Variants in TAF7L observed in about 807,000 individuals in gnomAD.
The protein encoded by TAF7L is transcription initiation factor TFIID subunit 7-like.
A neutral mutation model predicts 30.2 loss-of-function variants in TAF7L; 6 were observed. The ratio of observed to expected loss-of-function variants is 0.20; its 90% CI spans 0.11 to 0.39. The LOEUF (loss-of-function observed/expected upper bound fraction) is 0.39. Among genes scored for constraint, TAF7L ranks in the 10% least tolerant of loss-of-function variants. The pLI, the probability that TAF7L is intolerant of heterozygous loss-of-function variation, is 1.00. For synonymous variants in TAF7L, 93 were observed against 94.5 expected, an observed-to-expected ratio of 0.98 and a Z score of 0.09; for missense variants, 284 against 277.1, an observed-to-expected ratio of 1.03 and a Z score of -0.18.
chrX:101,280,686 T>A (rs1427798960), intron 6 of TAF7L, among the ~76,000 whole-genome samples: 1 of 111,901 alleles, frequency 8.9e-6, no homozygotes, highest in Non-Finnish European at 1.9e-5. Context: ...ACAGCTTTAT[T>A]TATAATAGTC....
chrX:101,292,980 T>A (rs746095059), upstream of TAF7L: 4 of 1,208,550 alleles, frequency 3.3e-6, no homozygotes, highest in African/African-American at 5.3e-5. Context: ...TTACTTCCGA[T>A]GTTGAAACTG....
At chrX:101,279,168 T>C (rs924951018) in intron 6 of TAF7L, 133 bp from the exon 7 acceptor site, 2 of 507,896 alleles carry the variant, frequency 3.9e-6, no homozygotes, top group South Asian at 4.5e-5. Flanking sequence ...TTACAGAGTA[T>C]AAAAGCCAAG....
intron 12 of TAF7L, 90 bp downstream of exon 12, chrX:101,275,132 G>T: frequency 2.9e-6 from 2 of 698,935 alleles, no homozygotes; most frequent in South Asian, 4.9e-5. Flanking sequence ...CTATTCCTAT[G>T]AGAGGAACAG....
intron 5 of TAF7L, 102 bp from the exon 6 acceptor site, chrX:101,281,877 C>T (rs1924420296): frequency 6.6e-6 from 4 of 609,438 alleles, no homozygotes; most frequent in Non-Finnish European, 7.4e-6. Flanking sequence ...AGGGTCATGA[C>T]ATCACTCCTT....
chrX:101,291,346 G>T (rs1037715864), upstream of TAF7L: 5 of 737,754 alleles, frequency 6.8e-6, no homozygotes, highest in Non-Finnish European at 8.0e-6. Context: ...CTGGGCTGCC[G>T]GCGCCTGGAC....
chrX:101,268,888 C>T lies in TAF7L; in HGVS notation c.*305G>A, dbSNP rs759853555. The stretch of plus-strand genomic sequence containing the variant: ...GCTGAGGCGGAAGGATCCCTTAAGC[C>T]CAGGAGTCTGAATTCAGCCTGGGCA... On this transcript the variant is annotated 3_prime_UTR_variant, in exon 13 of 13. Coordinates refer to ENST00000356784, the MANE Select transcript of TAF7L (RefSeq NM_001168474.2). 78 of 201,587 alleles carry T rather than the reference C, an allele frequency of 3.9e-4. No individual in the cohort carries two copies. The highest frequency in any genetic ancestry group is 6.0e-4 in the Non-Finnish European group (67 of 111,129). The allele number at this position is 201,587 out of a possible 1,213,427, so 16.6% of individuals were successfully genotyped here. A position where few individuals can be genotyped will look rare whatever the true frequency, so the allele number is the denominator to read the frequency against.
upstream of TAF7L, chrX:101,292,857 A>C: frequency 1.7e-6 from 2 of 1,211,141 alleles, no homozygotes; most frequent in Non-Finnish European, 2.2e-6. Flanking sequence ...CATCCGTTTG[A>C]GTGTCCTCGT....
chrX:101,286,106 A>G (rs1924580873), intron 3 of TAF7L, among the ~76,000 whole-genome samples: 1 of 108,056 alleles, frequency 9.3e-6, no homozygotes, highest in Admixed American at 1.0e-4. Context: ...ACTTGAACCC[A>G]GGAGGTAGAG....
chrX:101,279,568 C>T (rs960638561), intron 6 of TAF7L, among the ~76,000 whole-genome samples: 3 of 111,448 alleles, frequency 2.7e-5, no homozygotes, highest in African/African-American at 9.8e-5. Flanking sequence ...CTGCAGTGAG[C>T]AGAGATCGTG....
chrX:101,276,774 C>T (rs1924200989), intron 9 of TAF7L, among the ~76,000 whole-genome samples: 1 of 110,383 alleles, frequency 9.1e-6, no homozygotes, highest in African/African-American at 3.3e-5. Flanking sequence ...AGTTAAAATA[C>T]CAGGGGTGGA....
chrX:101,283,524 C>A lies in TAF7L; in HGVS notation c.205G>T (p.Asp69Tyr), dbSNP rs1158466017. 8.3e-7 allele frequency: 1 copy of A among 1,210,293 alleles called. No individual in the cohort carries two copies. The highest frequency in any genetic ancestry group is 3.0e-5 in the East Asian group (1 of 33,799). ...AGGCTTTCAATAACACAAGGCAAGT[C>A]AACCAGCTTAGCAGCTAGTGGGACA... ...EDVPLAAKLV[D>Y]LPCVIESLRT... is the part of the protein sequence containing the mutation. Residue 69 changes from aspartate to tyrosine, a missense_variant, in exon 4 of 13, where the codon GAC becomes TAC. Transcript: ENST00000356784.
upstream of TAF7L, among the ~76,000 whole-genome samples, chrX:101,292,260 A>T (rs750266717): frequency 0.34 from 22,075 of 65,097 alleles, 3,014 homozygotes; most frequent in East Asian, 0.58. Context: ...AATAAATAAA[A>T]AAAATAAATA....
chrX:101,269,012 T>C lies in TAF7L; in HGVS notation c.*181A>G, dbSNP rs1923881898. On this transcript the variant is annotated 3_prime_UTR_variant, in exon 13 of 13. Coordinates refer to ENST00000356784, the MANE Select transcript of TAF7L (RefSeq NM_001168474.2). ...TGGGGTCTTTAAGTCTACTACATTT[T>C]TATACTGGCCTTTTCTACATGACTA... The C allele has an allele frequency of 8.4e-6, 3 of 357,317 alleles. No individual in the cohort carries two copies. The highest frequency in any genetic ancestry group is 4.1e-5 in the East Asian group (1 of 24,188). The allele number at this position is 357,317 out of a possible 1,213,427, so 29.4% of individuals were successfully genotyped here. A position where few individuals can be genotyped will look rare whatever the true frequency, so the allele number is the denominator to read the frequency against.
upstream of TAF7L, chrX:101,292,670 C>T (rs1412691743): frequency 4.7e-6 from 4 of 850,858 alleles, no homozygotes; most frequent in Non-Finnish European, 1.6e-6. Context: ...ACACAGGTTA[C>T]GTCGCCCATT....
intron 9 of TAF7L, 136 bp downstream of exon 9, chrX:101,277,470 A>AAAAAAAAT: frequency 2.8e-6 from 1 of 352,085 alleles, no homozygotes; most frequent in African/African-American, 2.8e-5. Context: ...AAAAAAAAAA[A>AAAAAAAAT]GAGGGAAGGA....
At chrX:101,275,366 ATTGTTTTTGTTT>A (rs750186946) in intron 11 of TAF7L, 85 bp from the exon 12 acceptor site, 71 of 729,215 alleles carry the variant, frequency 9.7e-5, no homozygotes, top group Middle Eastern at 3.9e-4. Context: ...TTGGCAAATA[ATTGTTTTTGTTT>A]TTGTTTTTGA....
intron 12 of TAF7L, among the ~76,000 whole-genome samples, chrX:101,270,099 A>G (rs1335562552): frequency 8.9e-6 from 1 of 112,008 alleles, no homozygotes; most frequent in African/African-American, 3.2e-5. Flanking sequence ...ATGATGTTCT[A>G]CTTAATGCTT....
In TAF7L at chrX:101,276,359, G is replaced by A. The variant is rs1296055796; in HGVS notation, c.861C>T (p.Ala287=). 1.1e-5 allele frequency: 13 copies of A among 1,208,650 alleles called. No individual in the cohort carries two copies. Among genetic ancestry groups the A allele is most frequent in the Middle Eastern group, 2.3e-4 (1 of 4,353 alleles). Residue 287 remains alanine (A), a synonymous_variant, in exon 10 of 13, where the codon GCC becomes GCT. Transcript: ENST00000356784. ...SEEYLERQLQ[A]EFIESGQYRA... The stretch of plus-strand genomic sequence containing the variant: ...TATACTGGCCAGATTCAATAAACTC[G>A]GCCTGCAGCTGCCTTTCCAGATACT...
At chrX:101,282,198 C>T (rs1924438575) in intron 5 of TAF7L, 129 bp downstream of exon 5, 9 of 943,635 alleles carry the variant, frequency 9.5e-6, no homozygotes, top group South Asian at 7.0e-5. Context: ...CGTGACTCCT[C>T]TTAAAGAGTA....
Sources: allele counts gnomAD v4.1 joint callset (sites outside exome capture counted in the v4.1 genomes callset), GRCh38; gene constraint gnomAD v4.1.1; transcripts MANE v1.5; gene names NCBI Gene and HGNC (gene_info 2026-07-23, HGNC 2026-07-21).